Variants in NPR3 observed in about 807,000 individuals in gnomAD.
NPR3 encodes atrial natriuretic peptide receptor 3.
A neutral mutation model predicts 54.5 loss-of-function variants in NPR3; 34 were observed. The observed-to-expected ratio is 0.62, with a 90% confidence interval of 0.47 to 0.83. NPR3 has a LOEUF of 0.83. Among genes scored for constraint, NPR3 ranks in the 40% least tolerant of loss-of-function variants. The pLI, the probability that NPR3 is intolerant of heterozygous loss-of-function variation, is 0.00. For synonymous variants in NPR3, 289 were observed against 297.1 expected (o/e 0.97, Z 0.28); for missense variants, 674 against 720.8 (o/e 0.94, Z 0.74).
At chr5:32,700,262 A>C (rs1327455513) in intron 1 of NPR3, among the ~76,000 whole-genome samples, 1 of 152,012 alleles carries the variant, frequency 6.6e-6, no homozygotes, top group Non-Finnish European at 1.5e-5. Flanking sequence ...GTTCTCTGTT[A>C]TTATCCCTTT....
chr5:32,717,808 C>G (rs574727315), intron 1 of NPR3, among the ~76,000 whole-genome samples: 1 of 152,162 alleles, frequency 6.6e-6, no homozygotes, highest in South Asian at 2.1e-4. Flanking sequence ...TCTAGGTTGC[C>G]TGTTCACTCT....
Position 32,745,592 on chromosome 5 carries a change from A to G in NPR3, c.1059+6562A>G, listed in dbSNP as rs184985883. Among the ~76,000 whole-genome samples the G allele has an allele frequency of 2.1e-3, 321 of 152,222 alleles. 1 individual carries two copies. Among genetic ancestry groups the G allele is most frequent in the African/African-American group, 7.4e-3 (306 of 41,530 alleles). ...AGTCTGACCCTTTTAACAACAATGT[A>G]CCCCATAAGGGGGCAAACCCATGAC... On this transcript the variant is annotated intron_variant, in intron 3 of 7. Transcript: ENST00000265074.
intron 3 of NPR3, among the ~76,000 whole-genome samples, chr5:32,746,669 T>C (rs895356816): frequency 1.3e-5 from 2 of 152,260 alleles, no homozygotes; most frequent in African/African-American, 4.8e-5. Context: ...TTTTGCATTA[T>C]GCTTTTAAGA....
intron 1 of NPR3, among the ~76,000 whole-genome samples, chr5:32,702,416 C>A (rs1284780680): frequency 8.7e-6 from 1 of 114,766 alleles, no homozygotes; most frequent in Admixed American, 1.0e-4. Flanking sequence ...CCCCTCCCCC[C>A]ACCCCACAAC....
intron 4 of NPR3, among the ~76,000 whole-genome samples, chr5:32,779,015 T>C (rs1742206834): frequency 6.6e-6 from 1 of 152,230 alleles, no homozygotes; most frequent in Non-Finnish European, 1.5e-5. Flanking sequence ...CAGTCTATTT[T>C]AAGAAGACAA....
intron 2 of NPR3, 44 bp from the exon 3 acceptor site, chr5:32,738,820 T>C (rs1235725352): frequency 6.3e-7 from 1 of 1,580,188 alleles, no homozygotes; most frequent in Non-Finnish European, 8.6e-7. Context: ...GGCCTCTTTA[T>C]GGTGGCTGGC....
intron 1 of NPR3, among the ~76,000 whole-genome samples, chr5:32,692,438 C>T (rs1016185898): frequency 7.9e-5 from 12 of 152,162 alleles, no homozygotes; most frequent in Middle Eastern, 3.4e-3. Flanking sequence ...GGCACAAAGA[C>T]GAATATTTAA....
In NPR3 at chr5:32,754,068, A is replaced by G. The variant is rs557812735; in HGVS notation, c.1059+15038A>G. ...TGCCAGCTTCCTTGGCCACTGTACTAACCAAGGACTCTGGTGTTTGATGCT... is the reference window on the plus strand; with the variant it reads ...TGCCAGCTTCCTTGGCCACTGTACTGACCAAGGACTCTGGTGTTTGATGCT... On this transcript the variant is annotated intron_variant, in intron 3 of 7. Coordinates refer to ENST00000265074, the MANE Select transcript of NPR3 (RefSeq NM_001204375.2). Among the ~76,000 whole-genome samples the G allele has an allele frequency of 2.0e-5, 3 of 152,308 alleles. No individual in the cohort carries two copies. The East Asian group carries it at 5.8e-4, about 29-fold the overall frequency.
At chr5:32,763,114 T>A (rs1016089041) in intron 3 of NPR3, among the ~76,000 whole-genome samples, 5 of 152,190 alleles carry the variant, frequency 3.3e-5, no homozygotes, top group Non-Finnish European at 5.9e-5. Context: ...CTTGTTTTTG[T>A]CAGGTTTGTC....
Position 32,726,434 on chromosome 5 carries a change from C to T in NPR3, c.892+1614C>T, listed in dbSNP as rs555742909. Among the ~76,000 whole-genome samples the T allele has an allele frequency of 9.2e-5, 14 of 152,252 alleles. 1 individual carries two copies. The South Asian group carries it at 2.7e-3, about 29-fold the overall frequency. ...CTCCTTCCTGCCATGATGGTCTTTTCCCCTCTGTTTTACACAAGCAGAGTG... is the reference window on the plus strand; with the variant it reads ...CTCCTTCCTGCCATGATGGTCTTTTTCCCTCTGTTTTACACAAGCAGAGTG... On this transcript the variant is annotated intron_variant, in intron 2 of 7. Transcript: ENST00000265074.
chr5:32,736,280 C>T (rs190272076), intron 2 of NPR3, among the ~76,000 whole-genome samples: 20 of 151,116 alleles, frequency 1.3e-4, no homozygotes, highest in Admixed American at 5.9e-4. Context: ...ACTCCAAAGC[C>T]GTTACCTTTT....
chr5:32,740,570 A>G (rs1302055148), intron 3 of NPR3, among the ~76,000 whole-genome samples: 1 of 152,158 alleles, frequency 6.6e-6, no homozygotes. Flanking sequence ...AGCCACATAT[A>G]GAATTTAAAA....
intron 1 of NPR3, among the ~76,000 whole-genome samples, chr5:32,692,881 A>G (rs1278267283): frequency 6.6e-6 from 1 of 152,164 alleles, no homozygotes; most frequent in Non-Finnish European, 1.5e-5. Context: ...AGCACTTTGG[A>G]AGGCCAAGGT....
At chr5:32,752,562 C>G (rs575738254) in intron 3 of NPR3, among the ~76,000 whole-genome samples, 3 of 152,202 alleles carry the variant, frequency 2.0e-5, no homozygotes, top group African/African-American at 7.2e-5. Context: ...CGCCCTCACT[C>G]CCTTTCTTTA....
chr5:32,776,087 A>G (rs1742030846), intron 4 of NPR3, among the ~76,000 whole-genome samples: 1 of 152,216 alleles, frequency 6.6e-6, no homozygotes, highest in Non-Finnish European at 1.5e-5. Flanking sequence ...GATTCTGTGT[A>G]TAAATATTTT....
chr5:32,755,184 C>T (rs1200145866), intron 3 of NPR3, among the ~76,000 whole-genome samples: 2 of 152,176 alleles, frequency 1.3e-5, no homozygotes, highest in Non-Finnish European at 2.9e-5. Context: ...CTTTGTTAGT[C>T]AACAATTCTG....
chr5:32,704,406 AG>A (rs1724083148), upstream of NPR3, among the ~76,000 whole-genome samples: 1 of 121,530 alleles, frequency 8.2e-6, no homozygotes, highest in Admixed American at 8.0e-5. Flanking sequence ...GTGTGTGTAT[AG>A]TTGTTCAATT....
intron 4 of NPR3, among the ~76,000 whole-genome samples, chr5:32,775,294 AT>A (rs3066363): frequency 0.18 from 25,840 of 144,944 alleles, 3,360 homozygotes; most frequent in African/African-American, 0.38. Flanking sequence ...AGGCCTCTGC[AT>A]TTTTTTTTTT....
intron 5 of NPR3, among the ~76,000 whole-genome samples, 189 bp from the exon 6 acceptor site, chr5:32,782,704 C>A (rs539274882): frequency 6.6e-6 from 1 of 152,302 alleles, no homozygotes; most frequent in South Asian, 2.1e-4. Context: ...AACCGAGGAA[C>A]GTGCCCAATG....
Sources: gnomAD v4.1 joint callset for allele counts (sites outside exome capture counted in the v4.1 genomes callset) on GRCh38, gnomAD v4.1.1 for gene constraint, MANE v1.5 for transcripts, NCBI Gene and HGNC (gene_info 2026-07-23, HGNC 2026-07-21) for gene names.